Variants in ZEB1 observed in about 807,000 individuals in gnomAD.
ZEB1 encodes zinc finger E-box binding homeobox 1.
In ZEB1, 21 loss-of-function variants were observed where a neutral mutation model predicts 84.9. The ratio of observed to expected loss-of-function variants is 0.25; its 90% CI spans 0.18 to 0.36. ZEB1 has a LOEUF of 0.36. Among genes scored for constraint, ZEB1 ranks in the 10% least tolerant of loss-of-function variants. The probability of loss-of-function intolerance (pLI) is 1.00; values close to 1 mark genes in which losing one functional copy is unlikely to be tolerated. For missense variants in ZEB1, 1,104 were observed against 1,330.2 expected (o/e 0.83, Z 2.65); for synonymous variants, 420 against 471.1 (o/e 0.89, Z 1.41).
intron 1 of ZEB1, among the ~76,000 whole-genome samples, chr10:31,441,711 G>C (rs545414216): frequency 1.4e-4 from 21 of 151,768 alleles, no homozygotes; most frequent in Admixed American, 4.6e-4. Flanking sequence ...AAATTTACAA[G>C]AAAAAAACAA....
intron 1 of ZEB1, among the ~76,000 whole-genome samples, chr10:31,392,464 G>A (rs918379961): frequency 1.3e-5 from 2 of 152,112 alleles, no homozygotes; most frequent in Non-Finnish European, 2.9e-5. Flanking sequence ...CTTCCTGTTG[G>A]TTTTCAGTGA....
chr10:31,333,252 A>G (rs1351941486), intron 1 of ZEB1, among the ~76,000 whole-genome samples: 1 of 152,164 alleles, frequency 6.6e-6, no homozygotes, highest in Non-Finnish European at 1.5e-5. Context: ...TGAGTTGTAT[A>G]GAGCCTGGGA....
chr10:31,358,633 G>A (rs1274090483), intron 1 of ZEB1: 1 of 152,034 alleles, frequency 6.6e-6, no homozygotes, highest in Non-Finnish European at 1.5e-5. Flanking sequence ...CATCTTTATT[G>A]TCTGATTATA....
intron 1 of ZEB1, among the ~76,000 whole-genome samples, chr10:31,378,157 C>T (rs1464025683): frequency 6.6e-6 from 1 of 151,390 alleles, no homozygotes; most frequent in Admixed American, 6.6e-5. Context: ...AATGTTCTCA[C>T]TGAATCACTA....
At chr10:31,396,939 A>C (rs1384281957) in intron 1 of ZEB1, among the ~76,000 whole-genome samples, 1 of 151,924 alleles carries the variant, frequency 6.6e-6, no homozygotes, top group Non-Finnish European at 1.5e-5. Context: ...TGCCTTTATG[A>C]GTATGTAACA....
At chr10:31,522,194 A>G (rs532711494) in intron 7 of ZEB1, among the ~76,000 whole-genome samples, 1 of 152,274 alleles carries the variant, frequency 6.6e-6, no homozygotes, top group East Asian at 1.9e-4. Flanking sequence ...CCAGCTAAAA[A>G]CCTGTTTGAA....
At chr10:31,435,369 T>G (rs1190859036) in intron 1 of ZEB1, among the ~76,000 whole-genome samples, 1 of 152,234 alleles carries the variant, frequency 6.6e-6, no homozygotes, top group Non-Finnish European at 1.5e-5. Flanking sequence ...TATGCTATTT[T>G]AAGCCTCTTA....
intron 1 of ZEB1, among the ~76,000 whole-genome samples, chr10:31,351,311 C>T (rs1001650511): frequency 4.6e-5 from 7 of 152,064 alleles, no homozygotes; most frequent in Non-Finnish European, 8.8e-5. Flanking sequence ...GTAGTGTCTG[C>T]GTCAAAACAA....
At chr10:31,510,948 T>G (rs188851820) in intron 5 of ZEB1, 73 bp downstream of exon 5, 454 of 1,400,196 alleles carry the variant, frequency 3.2e-4, no homozygotes, top group Admixed American at 3.6e-4. Context: ...AGGCAAGGAT[T>G]TTAATATATT....
intron 1 of ZEB1, among the ~76,000 whole-genome samples, chr10:31,439,968 G>T (rs1314653392): frequency 6.6e-6 from 1 of 152,138 alleles, no homozygotes; most frequent in African/African-American, 2.4e-5. Context: ...CTGACTACAG[G>T]AAGACAAAGG....
intron 1 of ZEB1, among the ~76,000 whole-genome samples, chr10:31,458,743 T>C (rs1480790686): frequency 2.6e-5 from 4 of 152,084 alleles, no homozygotes; most frequent in Admixed American, 6.6e-5. Context: ...GCCAAAATTA[T>C]ACATATTTAC....
At chr10:31,485,308 G>T (rs1242386010) in intron 2 of ZEB1, among the ~76,000 whole-genome samples, 1 of 151,828 alleles carries the variant, frequency 6.6e-6, no homozygotes, top group Non-Finnish European at 1.5e-5. Context: ...CAACAATCCT[G>T]TGATGTAATG....
intron 1 of ZEB1, among the ~76,000 whole-genome samples, chr10:31,423,019 G>T (rs2056413452): frequency 6.6e-6 from 1 of 151,942 alleles, no homozygotes; most frequent in Non-Finnish European, 1.5e-5. Context: ...TTTAATGGCT[G>T]CGTAGCATTT....
At chr10:31,366,079 C>A (rs1240125879) in intron 1 of ZEB1, among the ~76,000 whole-genome samples, 2 of 152,086 alleles carry the variant, frequency 1.3e-5, no homozygotes, top group East Asian at 3.9e-4. Context: ...TGCACTTTCC[C>A]GCTTTCAAGT....
intron 1 of ZEB1, among the ~76,000 whole-genome samples, chr10:31,419,918 A>G (rs2055862882): frequency 6.6e-6 from 1 of 152,138 alleles, no homozygotes; most frequent in African/African-American, 2.4e-5. Context: ...TGTTGGCCTC[A>G]TACCTCCGAA....
chr10:31,327,796 C>T (rs1378762840), intron 1 of ZEB1, among the ~76,000 whole-genome samples: 1 of 152,188 alleles, frequency 6.6e-6, no homozygotes, highest in African/African-American at 2.4e-5. Flanking sequence ...TATTTTCTCA[C>T]GTTTTTGCCA....
chr10:31,432,170 C>T (rs550506608), intron 1 of ZEB1, among the ~76,000 whole-genome samples: 187 of 152,288 alleles, frequency 1.2e-3, no homozygotes, highest in African/African-American at 4.3e-3. Flanking sequence ...GTAGAACTTT[C>T]TTGGATGAAA....
chr10:31,472,237 C>G (rs220042), intron 2 of ZEB1, among the ~76,000 whole-genome samples: 36,616 of 151,238 alleles, frequency 0.24, 10,158 homozygotes, highest in African/African-American at 0.69. Context: ...GAAATAGAGA[C>G]ACAAAAAACC....
chr10:31,447,925 C>T (rs1322026237), intron 1 of ZEB1, among the ~76,000 whole-genome samples: 1 of 151,970 alleles, frequency 6.6e-6, no homozygotes, highest in Non-Finnish European at 1.5e-5. Flanking sequence ...ATCTTTTTGG[C>T]GTTCTCTGTA....
Sources: gnomAD v4.1 joint callset for allele counts (sites outside exome capture counted in the v4.1 genomes callset) on GRCh38, gnomAD v4.1.1 for gene constraint, MANE v1.5 for transcripts, NCBI Gene and HGNC (gene_info 2026-07-23, HGNC 2026-07-21) for gene names.